Variants in KLRD1 observed in about 807,000 individuals in gnomAD.
KLRD1 encodes the protein natural killer cells antigen CD94.
A neutral mutation model predicts 22.6 loss-of-function variants in KLRD1; 21 were observed. The ratio of observed to expected loss-of-function variants is 0.93; its 90% CI spans 0.66 to 1.34. The LOEUF is 1.34. KLRD1 is among the 40% of genes most tolerant of loss of function. The pLI is 0.00. For missense variants in KLRD1, 183 were observed against 208.6 expected (o/e 0.88, Z 0.76); for synonymous variants, 59 against 71.1 (o/e 0.83, Z 0.85).
chr12:10,297,827 A>C (rs1478173003), intron 1 of KLRD1, among the ~76,000 whole-genome samples: 1 of 152,220 alleles, frequency 6.6e-6, no homozygotes, highest in Non-Finnish European at 1.5e-5. Context: ...TGACACAGTG[A>C]TCAACCCAAT....
At chr12:10,296,097 T>G (rs1250156901) in intron 1 of KLRD1, among the ~76,000 whole-genome samples, 1 of 152,210 alleles carries the variant, frequency 6.6e-6, no homozygotes, top group Non-Finnish European at 1.5e-5. Context: ...TCCATTATTT[T>G]AAGAAAGAGC....
At chr12:10,264,999 T>C (rs1949486399) in intron 1 of KLRD1, among the ~76,000 whole-genome samples, 1 of 152,120 alleles carries the variant, frequency 6.6e-6, no homozygotes, top group African/African-American at 2.4e-5. Flanking sequence ...TCTTCCAAGT[T>C]CATCCATGTT....
Position 10,327,818 on chromosome 12 carries a change from A to G in KLRD1, c.*13025A>G, listed in dbSNP as rs943527289. 6.6e-6 allele frequency: 1 copy of G among 152,202 alleles called. No homozygotes were observed. The highest frequency in any genetic ancestry group is 2.4e-5 in the African/African-American group (1 of 41,464). The allele number at this position is 152,202 out of a possible 1,614,324, so 9.4% of individuals were successfully genotyped here. A position where few individuals can be genotyped will look rare whatever the true frequency, so the allele number is the denominator to read the frequency against. On this transcript the variant is annotated 3_prime_UTR_variant, in exon 6 of 6. Coordinates refer to ENST00000336164, the MANE Select transcript of KLRD1 (RefSeq NM_002262.5). Reference sequence around the variant, plus strand: ...GCACTTTACATATAGGGCCTTCAAAATGTTGAAATATTTTTCTCAAATTCT... The same window carrying G: ...GCACTTTACATATAGGGCCTTCAAAGTGTTGAAATATTTTTCTCAAATTCT...
At chr12:10,267,772 T>C (rs1949513208) in intron 1 of KLRD1, among the ~76,000 whole-genome samples, 1 of 152,242 alleles carries the variant, frequency 6.6e-6, no homozygotes, top group African/African-American at 2.4e-5. Context: ...GAAATCCTGA[T>C]TTATGCCTGT....
At chr12:10,251,740 T>C (rs2137620173) in intron 1 of KLRD1, among the ~76,000 whole-genome samples, 1 of 152,010 alleles carries the variant, frequency 6.6e-6, no homozygotes, top group East Asian at 1.9e-4. Flanking sequence ...TCATCAGGTA[T>C]TGGATTCTCA....
intron 1 of KLRD1, among the ~76,000 whole-genome samples, chr12:10,291,641 CTATTT>C (rs1949771611): frequency 6.8e-6 from 1 of 146,070 alleles, no homozygotes; most frequent in East Asian, 2.0e-4. Flanking sequence ...TAATCCTATA[CTATTT>C]TAAGTTCCAG....
At chr12:10,305,153 T>C (rs953629412), upstream of KLRD1, among the ~76,000 whole-genome samples, 12 of 152,332 alleles carry the variant, frequency 7.9e-5, no homozygotes, top group African/African-American at 2.6e-4. Context: ...GGTTTAAAAG[T>C]TGACTTAGCT....
intron 1 of KLRD1, among the ~76,000 whole-genome samples, chr12:10,268,869 T>G (rs1949523963): frequency 6.6e-6 from 1 of 152,232 alleles, no homozygotes; most frequent in Admixed American, 6.5e-5. Context: ...AAACATCTCT[T>G]GATAAGTGAA....
At chr12:10,243,702 C>G (rs1949264545) in intron 1 of KLRD1, among the ~76,000 whole-genome samples, 1 of 142,120 alleles carries the variant, frequency 7.0e-6, no homozygotes, top group African/African-American at 2.6e-5. Context: ...GTGCTTAAAA[C>G]TGTCTAGTAA....
At position 10,318,255 on chromosome 12, in the gene KLRD1, A is replaced by G. The variant is rs1342742673; in HGVS notation, c.*3462A>G. The G allele has an allele frequency of 3.3e-5, 5 of 152,202 alleles. No individual in the cohort carries two copies. The highest frequency in any genetic ancestry group is 1.2e-4 in the African/African-American group (5 of 41,434). The allele number at this position is 152,202 out of a possible 1,614,324, so 9.4% of individuals were successfully genotyped here. On this transcript the variant is annotated 3_prime_UTR_variant, in exon 6 of 6. Transcript: ENST00000336164. ...GTAGTAGGCTAACTAACTAGCTAAC[A>G]AATGGTTTATGGTGAGTTCTTTAAA...
chr12:10,271,873 C>T (rs1233602481), intron 1 of KLRD1, among the ~76,000 whole-genome samples: 1 of 151,614 alleles, frequency 6.6e-6, no homozygotes, highest in Non-Finnish European at 1.5e-5. Context: ...TAAAAAAATT[C>T]TTAGTTCCTT....
chr12:10,314,070 C>G (rs116601362), intron 5 of KLRD1, among the ~76,000 whole-genome samples: 33 of 152,140 alleles, frequency 2.2e-4, no homozygotes, highest in Non-Finnish European at 3.4e-4. Flanking sequence ...TTAGTGTATT[C>G]GTGGCCATAA....
chr12:10,240,184 C>T (rs1352102688), intron 1 of KLRD1, among the ~76,000 whole-genome samples: 15 of 151,980 alleles, frequency 9.9e-5, no homozygotes, highest in Non-Finnish European at 4.4e-5. Flanking sequence ...CCTCAGCCCC[C>T]CAAGTCGCTG....
chr12:10,243,518 G>A (rs1228595105), intron 1 of KLRD1, among the ~76,000 whole-genome samples: 2 of 145,798 alleles, frequency 1.4e-5, no homozygotes, highest in East Asian at 4.2e-4. Flanking sequence ...GGAGGCTGAG[G>A]CAGGAGAATC....
chr12:10,254,070 A>G (rs968232793), intron 1 of KLRD1, among the ~76,000 whole-genome samples: 9 of 152,156 alleles, frequency 5.9e-5, no homozygotes, highest in Non-Finnish European at 1.0e-4. Context: ...AAGCAATCGC[A>G]ACAAAAGCAA....
intron 1 of KLRD1, among the ~76,000 whole-genome samples, chr12:10,280,538 A>G (rs960566792): frequency 2.0e-5 from 3 of 152,152 alleles, no homozygotes; most frequent in African/African-American, 4.8e-5. Flanking sequence ...GCCGTGCTCC[A>G]TCGTTGAGTA....
At chr12:10,312,951 C>T (rs915592506) in intron 4 of KLRD1, among the ~76,000 whole-genome samples, 3 of 151,634 alleles carry the variant, frequency 2.0e-5, no homozygotes, top group Non-Finnish European at 4.4e-5. Flanking sequence ...CGTCCCACTG[C>T]ACTCCAGCCT....
chr12:10,322,349 ATAGAGGACATTT>A lies in KLRD1; in HGVS notation c.*7562_*7573del, dbSNP rs1950319203. On this transcript the variant is annotated 3_prime_UTR_variant, in exon 6 of 6. Transcript: ENST00000336164. ...GGCATGAGCCATTGTGTCTGGCCAA[ATAGAGGACATTT>A]TAGAGCCCAATAGTAAGCTAGGATT... 6.6e-6 allele frequency: 1 copy of A among 152,238 alleles called. No individual in the cohort carries two copies. The highest frequency in any genetic ancestry group is 2.4e-5 in the African/African-American group (1 of 41,460). 9.4% of individuals were successfully genotyped at this position (152,238 alleles called of 1,614,324 possible).
chr12:10,287,204 G>T (rs937847815), intron 1 of KLRD1, among the ~76,000 whole-genome samples: 1 of 151,944 alleles, frequency 6.6e-6, no homozygotes, highest in African/African-American at 2.4e-5. Context: ...ATTAAAAACC[G>T]TGGTGAAACT....
Sources: gnomAD v4.1 joint callset for allele counts (sites outside exome capture counted in the v4.1 genomes callset) on GRCh38, gnomAD v4.1.1 for gene constraint, MANE v1.5 for transcripts, NCBI Gene and HGNC (gene_info 2026-07-23, HGNC 2026-07-21) for gene names.